Variants in C1orf21 observed in about 807,000 individuals in gnomAD.
The protein encoded by C1orf21 is chromosome 1 open reading frame 21.
A neutral mutation model predicts 18.7 loss-of-function variants in C1orf21; 3 were observed. That is an observed-to-expected ratio of 0.16 (90% CI 0.07 to 0.42). The LOEUF (loss-of-function observed/expected upper bound fraction) is 0.42, where lower values mean the gene tolerates loss of function less well. Ranked by LOEUF, C1orf21 falls within the 10% of genes least tolerant of loss-of-function variation. The probability of loss-of-function intolerance (pLI) is 0.99; values close to 1 mark genes in which losing one functional copy is unlikely to be tolerated. For missense variants in C1orf21, 104 were observed against 143.6 expected, an observed-to-expected ratio of 0.72 and a Z score of 1.41; for synonymous variants, 41 against 46.4, an observed-to-expected ratio of 0.88 and a Z score of 0.47.
At chr1:184,601,938 C>G (rs750997599) in intron 5 of C1orf21, among the ~76,000 whole-genome samples, 1 of 151,914 alleles carries the variant, frequency 6.6e-6, no homozygotes, top group East Asian at 1.9e-4. Flanking sequence ...GATTCAGCAC[C>G]TACTGAATAC....
intron 3 of C1orf21, among the ~76,000 whole-genome samples, chr1:184,582,593 GCTGAACC>G (rs1183374714): frequency 6.6e-6 from 1 of 152,150 alleles, no homozygotes; most frequent in East Asian, 1.9e-4. Flanking sequence ...ACTTCCTATT[GCTGAACC>G]CAGAAAAAGA....
chr1:184,398,927 TAC>T (rs763545350), intron 1 of C1orf21, among the ~76,000 whole-genome samples: 35 of 152,212 alleles, frequency 2.3e-4, no homozygotes, highest in Non-Finnish European at 4.7e-4. Flanking sequence ...TTCTAAAAGA[TAC>T]AGAGTCGTTT....
At chr1:184,579,494 CTTTTTTT>C (rs60469440) in intron 3 of C1orf21, among the ~76,000 whole-genome samples, 1 of 98,118 alleles carries the variant, frequency 1.0e-5, no homozygotes, top group Non-Finnish European at 1.9e-5. Context: ...TCAAGATTTT[CTTTTTTT>C]TTTTTTTTTT....
chr1:184,546,973 GA>G (rs1204671418), intron 3 of C1orf21, among the ~76,000 whole-genome samples: 4 of 152,230 alleles, frequency 2.6e-5, no homozygotes, highest in Non-Finnish European at 1.5e-5. Flanking sequence ...GGCTGATCTG[GA>G]GGATCAGGGA....
At chr1:184,595,411 G>T (rs1659499069) in intron 4 of C1orf21, among the ~76,000 whole-genome samples, 2 of 152,242 alleles carry the variant, frequency 1.3e-5, no homozygotes, top group Admixed American at 1.3e-4. Context: ...CTTTATGCAG[G>T]AACTGTTTTC....
chr1:184,609,345 A>G (rs929245107), intron 5 of C1orf21, among the ~76,000 whole-genome samples: 1 of 152,166 alleles, frequency 6.6e-6, no homozygotes, highest in African/African-American at 2.4e-5. Flanking sequence ...AACTGTAATG[A>G]AAGGAGATGT....
At chr1:184,449,868 C>A (rs1223256623) in intron 1 of C1orf21, among the ~76,000 whole-genome samples, 1 of 152,104 alleles carries the variant, frequency 6.6e-6, no homozygotes, top group African/African-American at 2.4e-5. Flanking sequence ...TTTGGTAACA[C>A]CACGCCAGGT....
chr1:184,396,765 G>A (rs1656056434), intron 1 of C1orf21, among the ~76,000 whole-genome samples: 1 of 152,080 alleles, frequency 6.6e-6, no homozygotes, highest in Admixed American at 6.5e-5. Context: ...TTGTCTGTAT[G>A]CACTTTCCAA....
At chr1:184,453,356 G>A (rs1657151427) in intron 1 of C1orf21, among the ~76,000 whole-genome samples, 1 of 152,090 alleles carries the variant, frequency 6.6e-6, no homozygotes, top group African/African-American at 2.4e-5. Context: ...CGGTTCTGAC[G>A]GTTCTGCTTT....
At chr1:184,530,193 G>C (rs912405784) in intron 3 of C1orf21, among the ~76,000 whole-genome samples, 1 of 152,092 alleles carries the variant, frequency 6.6e-6, no homozygotes, top group African/African-American at 2.4e-5. Flanking sequence ...GTCGTAACTA[G>C]TCTTAGAGAG....
chr1:184,552,811 T>C (rs2101982408), intron 3 of C1orf21, among the ~76,000 whole-genome samples: 1 of 152,340 alleles, frequency 6.6e-6, no homozygotes, highest in Middle Eastern at 3.4e-3. Flanking sequence ...GGCACTCAAT[T>C]GGTAGGATAA....
At chr1:184,575,584 C>T (rs1199688897) in intron 3 of C1orf21, among the ~76,000 whole-genome samples, 1 of 141,732 alleles carries the variant, frequency 7.1e-6, no homozygotes, top group Non-Finnish European at 1.5e-5. Context: ...AAACTTAAAA[C>T]CCCCTGTATG....
intron 1 of C1orf21, among the ~76,000 whole-genome samples, chr1:184,406,428 G>GT (rs1656250368): frequency 6.6e-6 from 1 of 152,150 alleles, no homozygotes; most frequent in African/African-American, 2.4e-5. Flanking sequence ...AATGATAAGT[G>GT]TTGTTTTTTG....
At chr1:184,479,768 C>T (rs569487479) in intron 2 of C1orf21, among the ~76,000 whole-genome samples, 4 of 151,894 alleles carry the variant, frequency 2.6e-5, no homozygotes, top group South Asian at 4.2e-4. Flanking sequence ...ACTACAGGCA[C>T]GTGCGCTCAC....
rs75361016 is a variant in C1orf21, at chr1:184,527,779, A to G, written c.189+20097A>G. 9.5e-3 allele frequency among the ~76,000 whole-genome samples: 1,447 copies of G among 152,344 alleles called. 21 individuals carry two copies. Among genetic ancestry groups the G allele is most frequent in the African/African-American group, 0.033 (1,389 of 41,574 alleles). On this transcript the variant is annotated intron_variant, in intron 3 of 5. Transcript: ENST00000235307. ...AGCCCAACTTTTCTGAGTCCTCAGG[A>G]AAGTGTAGTTTATAGTAACTACCTA...
At chr1:184,388,449 T>G (rs1196650145) in intron 1 of C1orf21, among the ~76,000 whole-genome samples, 1 of 152,168 alleles carries the variant, frequency 6.6e-6, no homozygotes, top group East Asian at 1.9e-4. Flanking sequence ...TGTTTTAAAA[T>G]AGATAGTGCT....
chr1:184,571,275 C>T (rs369150138), intron 3 of C1orf21, among the ~76,000 whole-genome samples: 4 of 119,104 alleles, frequency 3.4e-5, no homozygotes, highest in African/African-American at 3.4e-5. Flanking sequence ...CCAGCCTGGG[C>T]GACAGAGCGA....
At chr1:184,473,398 AAGGTAAACAATAG>A (rs1657523098) in intron 1 of C1orf21, among the ~76,000 whole-genome samples, 1 of 152,156 alleles carries the variant, frequency 6.6e-6, no homozygotes, top group Admixed American at 6.5e-5. Context: ...TGGTTTCAGG[AAGGTAAACAATAG>A]AGCATGTGAG....
At chr1:184,504,250 A>G (rs994882671) in intron 2 of C1orf21, among the ~76,000 whole-genome samples, 3 of 152,160 alleles carry the variant, frequency 2.0e-5, no homozygotes, top group African/African-American at 7.2e-5. Context: ...CAGGAAGAAA[A>G]GAAAAATTGG....
Sources: allele counts gnomAD v4.1 joint callset (sites outside exome capture counted in the v4.1 genomes callset), GRCh38; gene constraint gnomAD v4.1.1; transcripts MANE v1.5; gene names NCBI Gene and HGNC (gene_info 2026-07-23, HGNC 2026-07-21).